The following CHRM3 variants were observed in gnomAD, a reference collection of about 807,000 sequenced individuals.
CHRM3 encodes cholinergic receptor muscarinic 3.
CHRM3 carries 11 observed loss-of-function variants against 41.8 expected under a neutral mutation model. That is an observed-to-expected ratio of 0.26 (90% CI 0.17 to 0.44). The LOEUF (loss-of-function observed/expected upper bound fraction) is 0.44. Among genes scored for constraint, CHRM3 ranks in the 20% least tolerant of loss-of-function variants. The pLI is 1.00. For missense variants in CHRM3, 571 were observed against 745.4 expected, an observed-to-expected ratio of 0.77 and a Z score of 2.72; for synonymous variants, 297 against 301.4, an observed-to-expected ratio of 0.99 and a Z score of 0.15.
At chr1:239,477,571 T>G (rs970444062) in intron 1 of CHRM3, among the ~76,000 whole-genome samples, 1 of 152,172 alleles carries the variant, frequency 6.6e-6, no homozygotes, top group African/African-American at 2.4e-5. Context: ...TTTAATCAAC[T>G]TTAAATATCT....
At chr1:239,480,348 T>A (rs996311637) in intron 1 of CHRM3, among the ~76,000 whole-genome samples, 2 of 152,158 alleles carry the variant, frequency 1.3e-5, no homozygotes, top group African/African-American at 4.8e-5. Flanking sequence ...TTTATTTATC[T>A]ATCTTTTAAG....
intron 2 of CHRM3, among the ~76,000 whole-genome samples, chr1:239,504,202 A>C (rs769570817): frequency 6.6e-6 from 1 of 152,282 alleles, no homozygotes; most frequent in Non-Finnish European, 1.5e-5. Context: ...AAACTCAAAC[A>C]AATCAGTAAG....
chr1:239,856,448 T>C (rs923984924), intron 6 of CHRM3, among the ~76,000 whole-genome samples: 1 of 152,160 alleles, frequency 6.6e-6, no homozygotes, highest in Non-Finnish European at 1.5e-5. Context: ...CTCTCTCTCC[T>C]GCTGGCCATG....
chr1:239,419,843 A>T (rs1281724738), intron 1 of CHRM3, among the ~76,000 whole-genome samples: 1 of 152,220 alleles, frequency 6.6e-6, no homozygotes, highest in Non-Finnish European at 1.5e-5. Context: ...CATCAAACTG[A>T]ACAAGCACAA....
At chr1:239,847,839 C>T (rs921015337) in intron 6 of CHRM3, among the ~76,000 whole-genome samples, 4 of 151,816 alleles carry the variant, frequency 2.6e-5, no homozygotes, top group Admixed American at 1.3e-4. Flanking sequence ...TGCTTGAGCC[C>T]GGGATGTTGA....
chr1:239,640,846 A>T (rs1203618214), intron 4 of CHRM3, among the ~76,000 whole-genome samples: 1 of 146,740 alleles, frequency 6.8e-6, no homozygotes, highest in African/African-American at 2.5e-5. Context: ...TAGTTCTTTT[A>T]ATTGTGATGT....
intron 3 of CHRM3, among the ~76,000 whole-genome samples, chr1:239,594,858 G>A (rs560929228): frequency 5.9e-5 from 9 of 152,318 alleles, no homozygotes; most frequent in African/African-American, 2.2e-4. Context: ...GGGAGGCTGA[G>A]GCGGGAGGAT....
intron 4 of CHRM3, among the ~76,000 whole-genome samples, chr1:239,666,606 C>T (rs1389782499): frequency 6.6e-6 from 1 of 152,132 alleles, no homozygotes; most frequent in Non-Finnish European, 1.5e-5. Flanking sequence ...CCACCTGCCT[C>T]CTGAAATAGA....
intron 3 of CHRM3, among the ~76,000 whole-genome samples, chr1:239,587,105 T>A (rs1387434912): frequency 6.6e-6 from 1 of 152,144 alleles, no homozygotes; most frequent in Non-Finnish European, 1.5e-5. Context: ...ACCTCACACA[T>A]TCTGTCACAG....
chr1:239,800,303 G>C (rs1439878668), intron 5 of CHRM3, among the ~76,000 whole-genome samples: 1 of 152,146 alleles, frequency 6.6e-6, no homozygotes, highest in Non-Finnish European at 1.5e-5. Flanking sequence ...ATGGAGCCAG[G>C]TCACTGCTGC....
intron 6 of CHRM3, among the ~76,000 whole-genome samples, chr1:239,875,615 C>A (rs902070606): frequency 6.6e-6 from 1 of 152,164 alleles, no homozygotes; most frequent in African/African-American, 2.4e-5. Context: ...ACAATGGAGA[C>A]CTAACTGAAC....
intron 2 of CHRM3, among the ~76,000 whole-genome samples, chr1:239,506,866 G>A (rs1446995756): frequency 6.6e-6 from 1 of 152,186 alleles, no homozygotes; most frequent in Non-Finnish European, 1.5e-5. Context: ...TGACCCAGAT[G>A]TGAGACATGG....
chr1:239,789,786 A>G (rs921463404), intron 5 of CHRM3, among the ~76,000 whole-genome samples: 1 of 152,174 alleles, frequency 6.6e-6, no homozygotes, highest in Non-Finnish European at 1.5e-5. Context: ...TCAAATTTCA[A>G]CATGAGGGTT....
Position 239,913,612 on chromosome 1 carries a change from A to G in CHRM3, c.*4388A>G, listed in dbSNP as rs928236690. ...AGAAAGGTTTCTAGAATGGTAACCC[A>G]ATGTTCTTTAGAACTGGAGAATTCC... On this transcript the variant is annotated 3_prime_UTR_variant, in exon 7 of 7. Transcript: ENST00000676153. 6.0e-6 allele frequency: 1 copy of G among 167,076 alleles called. No individual in the cohort carries two copies. The highest frequency in any genetic ancestry group is 1.5e-5 in the Non-Finnish European group (1 of 68,134). 10.3% of individuals were successfully genotyped at this position (167,076 alleles called of 1,614,324 possible).
At chr1:239,522,607 T>A (rs540085596) in intron 2 of CHRM3, among the ~76,000 whole-genome samples, 16 of 152,336 alleles carry the variant, frequency 1.1e-4, no homozygotes, top group African/African-American at 3.8e-4. Context: ...GACATGTATG[T>A]TCTCTGCATA....
Position 239,908,495 on chromosome 1 carries a change from C to T in CHRM3, c.1044C>T (p.Asn348=). Residue 348 remains asparagine, a synonymous_variant, in exon 7 of 7, where the codon AAC becomes AAT. Coordinates refer to ENST00000676153, the MANE Select transcript of CHRM3 (RefSeq NM_001375978.1). The surrounding 1 kb of genome is among the most constrained non-coding windows in gnomAD (Gnocchi z 7.2). ...NNNDAAASLE[N]SASSDEEDIG... ...ATGATGCTGCTGCCTCCCTGGAGAACTCCGCCTCCTCCGACGAGGAGGACA... is the reference window on the plus strand; with the variant it reads ...ATGATGCTGCTGCCTCCCTGGAGAATTCCGCCTCCTCCGACGAGGAGGACA... 3.1e-6 allele frequency: 5 copies of T among 1,604,030 alleles called. No individual in the cohort carries two copies. Among genetic ancestry groups the T allele is most frequent in the South Asian group, 1.1e-5 (1 of 89,902 alleles).
In CHRM3 at chr1:239,701,747, T is replaced by G. The variant is rs571915984; in HGVS notation, c.-147+23459T>G. On this transcript the variant is annotated intron_variant, in intron 5 of 6. Transcript: ENST00000676153. ...GCATGGCCTCAGTCATCTCATTCCT[T>G]CCTAACCCACCCATTGTTCTATGCA... Among the ~76,000 whole-genome samples, 115 of 152,208 alleles carry G rather than the reference T, an allele frequency of 7.6e-4. 1 individual carries two copies. Among genetic ancestry groups the G allele is most frequent in the Middle Eastern group, 6.8e-3 (2 of 292 alleles).
intron 4 of CHRM3, among the ~76,000 whole-genome samples, chr1:239,642,816 C>A (rs541920727): frequency 6.6e-6 from 1 of 152,220 alleles, no homozygotes; most frequent in Non-Finnish European, 1.5e-5. Context: ...TGAGGAGCTG[C>A]GTTCCTTTGG....
chr1:239,640,940 T>C (rs1359479239), intron 4 of CHRM3, among the ~76,000 whole-genome samples: 72 of 150,800 alleles, frequency 4.8e-4, no homozygotes, highest in Non-Finnish European at 6.9e-4. Flanking sequence ...GCTTTGAATG[T>C]GTCCCAGAGA....
Sources: allele counts gnomAD v4.1 joint callset (sites outside exome capture counted in the v4.1 genomes callset), GRCh38; gene constraint gnomAD v4.1.1; non-coding constraint Gnocchi (gnomAD v3.1); transcripts MANE v1.5; gene names NCBI Gene and HGNC (gene_info 2026-07-23, HGNC 2026-07-21).